Variants in GRIN2A observed in about 807,000 individuals in gnomAD.
The protein encoded by GRIN2A is glutamate receptor ionotropic, NMDA 2A.
GRIN2A carries 22 observed loss-of-function variants against 113.4 expected under a neutral mutation model. The ratio of observed to expected loss-of-function variants is 0.19; its 90% CI spans 0.14 to 0.28. The LOEUF is 0.28. Among genes scored for constraint, GRIN2A ranks in the 10% least tolerant of loss-of-function variants. The pLI, the probability that GRIN2A is intolerant of heterozygous loss-of-function variation, is 1.00. For missense variants in GRIN2A, 1,502 were observed against 1,887.0 expected, an observed-to-expected ratio of 0.80 and a Z score of 3.78; for synonymous variants, 827 against 738.4, an observed-to-expected ratio of 1.12 and a Z score of -1.94.
At chr16:9,957,851 G>T (rs1235739028) in intron 2 of GRIN2A, among the ~76,000 whole-genome samples, 1 of 152,154 alleles carries the variant, frequency 6.6e-6, no homozygotes, top group Non-Finnish European at 1.5e-5. Flanking sequence ...AACATCACCT[G>T]GGCCTCTGCC....
chr16:9,810,836 GA>G (rs2042072075), intron 10 of GRIN2A, among the ~76,000 whole-genome samples: 1 of 152,212 alleles, frequency 6.6e-6, no homozygotes, highest in African/African-American at 2.4e-5. Flanking sequence ...TGCAGTACCT[GA>G]GTTCCTATCA....
intron 2 of GRIN2A, among the ~76,000 whole-genome samples, chr16:9,940,061 A>AGTGT (rs56116543): frequency 0.011 from 1,544 of 142,984 alleles, 28 homozygotes; most frequent in African/African-American, 0.035. Context: ...AGAGAGAGAG[A>AGTGT]GTGTGTGTGT....
At position 10,026,750 on chromosome 16, in the gene GRIN2A, C is replaced by T. The variant is rs568095688; in HGVS notation, c.415-88199G>A. 1.8e-3 allele frequency among the ~76,000 whole-genome samples: 274 copies of T among 152,268 alleles called. 2 individuals carry two copies. The highest frequency in any genetic ancestry group is 6.2e-3 in the African/African-American group (258 of 41,544). On this transcript the variant is annotated intron_variant, in intron 2 of 12. Transcript: ENST00000330684. Reference sequence around the variant, plus strand: ...TAGTAGCTCCACTCAGTGAGAAACACGCCAAACAAGAACCAGGTCTGCTTT... The same window carrying T: ...TAGTAGCTCCACTCAGTGAGAAACATGCCAAACAAGAACCAGGTCTGCTTT...
At position 10,070,695 on chromosome 16, in the gene GRIN2A, C is replaced by T. The variant is rs1039590135; in HGVS notation, c.414+109303G>A. ...TAAGTTTTTAGCAGGCCCTTCTTCC[C>T]CCTCTACTCCTGTGTGGACCTCTGG... On this transcript the variant is annotated intron_variant, in intron 2 of 12. Coordinates refer to ENST00000330684, the MANE Select transcript of GRIN2A (RefSeq NM_001134407.3). Among the ~76,000 whole-genome samples, 4 of 152,258 alleles carry T rather than the reference C, an allele frequency of 2.6e-5. No individual in the cohort carries two copies. In the East Asian group the frequency reaches 7.7e-4, roughly 29 times the overall value.
chr16:9,834,627 C>T (rs916469699), intron 7 of GRIN2A, among the ~76,000 whole-genome samples: 1 of 152,162 alleles, frequency 6.6e-6, no homozygotes, highest in African/African-American at 2.4e-5. Flanking sequence ...GGTGATCTGC[C>T]CACCTCGGCC....
At chr16:10,041,261 G>T (rs1370895570) in intron 2 of GRIN2A, among the ~76,000 whole-genome samples, 1 of 152,168 alleles carries the variant, frequency 6.6e-6, no homozygotes, top group African/African-American at 2.4e-5. Flanking sequence ...ACGCAGAGTA[G>T]GAATTCCAGG....
chr16:9,985,938 G>A (rs1002970496), intron 2 of GRIN2A, among the ~76,000 whole-genome samples: 1 of 152,090 alleles, frequency 6.6e-6, no homozygotes, highest in Non-Finnish European at 1.5e-5. Context: ...TTGTATCGAA[G>A]TATCTCATGT....
At chr16:10,035,286 A>C (rs757725111) in intron 2 of GRIN2A, among the ~76,000 whole-genome samples, 3 of 152,098 alleles carry the variant, frequency 2.0e-5, no homozygotes, top group Non-Finnish European at 2.9e-5. Context: ...TTGGCCTCTC[A>C]AAATGCTGAG....
chr16:10,168,975 CAAT>C (rs59963663), intron 2 of GRIN2A, among the ~76,000 whole-genome samples: 45,077 of 141,198 alleles, frequency 0.32, 7,475 homozygotes, highest in African/African-American at 0.45. Context: ...CAAATAATAA[CAAT>C]AATAATAATA....
chr16:9,925,992 C>T (rs754010050), intron 3 of GRIN2A, among the ~76,000 whole-genome samples: 26 of 152,164 alleles, frequency 1.7e-4, no homozygotes, highest in African/African-American at 4.1e-4. Context: ...GCAAGTAATA[C>T]GGGTTCCATC....
At chr16:9,993,070 A>AC (rs397776329) in intron 2 of GRIN2A, among the ~76,000 whole-genome samples, 13 of 150,420 alleles carry the variant, frequency 8.6e-5, no homozygotes, top group East Asian at 2.0e-4. Context: ...ACAAAAAAAA[A>AC]CCCCAAAAAA....
chr16:9,873,043 T>C (rs533527244), intron 4 of GRIN2A, among the ~76,000 whole-genome samples: 22 of 152,084 alleles, frequency 1.4e-4, no homozygotes, highest in African/African-American at 5.1e-4. Flanking sequence ...AGACCCTGTG[T>C]CAGGTGTTAG....
At chr16:9,908,756 G>A (rs1374203425) in intron 3 of GRIN2A, among the ~76,000 whole-genome samples, 1 of 152,226 alleles carries the variant, frequency 6.6e-6, no homozygotes, top group East Asian at 1.9e-4. Flanking sequence ...ACGTCAGTAC[G>A]ATGAGAGCAA....
chr16:10,060,736 C>T (rs904309177), intron 2 of GRIN2A, among the ~76,000 whole-genome samples: 1 of 152,098 alleles, frequency 6.6e-6, no homozygotes, highest in Non-Finnish European at 1.5e-5. Flanking sequence ...TATCTTGCCC[C>T]AAGTCACAAA....
At chr16:9,837,513 T>C (rs1329618403) in intron 7 of GRIN2A, among the ~76,000 whole-genome samples, 1 of 152,192 alleles carries the variant, frequency 6.6e-6, no homozygotes, top group Non-Finnish European at 1.5e-5. Flanking sequence ...CTGATTGAAT[T>C]GGAAAAAGAG....
At chr16:9,948,905 G>A (rs372567383) in intron 2 of GRIN2A, among the ~76,000 whole-genome samples, 45 of 152,300 alleles carry the variant, frequency 3.0e-4, no homozygotes, top group South Asian at 1.2e-3. Flanking sequence ...ACAAATGTAC[G>A]CAAGTGGCTG....
intron 2 of GRIN2A, among the ~76,000 whole-genome samples, chr16:9,980,266 C>CA (rs560335229): frequency 0.067 from 8,747 of 131,386 alleles, 333 homozygotes; most frequent in Middle Eastern, 0.14. Context: ...GAGACTGTCT[C>CA]AAAAAAAAAA....
intron 2 of GRIN2A, among the ~76,000 whole-genome samples, chr16:10,114,918 A>G (rs1177546590): frequency 2.0e-5 from 3 of 152,256 alleles, no homozygotes; most frequent in African/African-American, 4.8e-5. Context: ...TATTTCACTT[A>G]AAATTCCAAT....
At chr16:10,114,061 G>T (rs1011488464) in intron 2 of GRIN2A, among the ~76,000 whole-genome samples, 2 of 152,068 alleles carry the variant, frequency 1.3e-5, no homozygotes, top group East Asian at 3.9e-4. Flanking sequence ...GCATGGTGGT[G>T]TGTGCCTGTA....
Sources: gnomAD v4.1 joint callset for allele counts (sites outside exome capture counted in the v4.1 genomes callset) on GRCh38, gnomAD v4.1.1 for gene constraint, MANE v1.5 for transcripts, NCBI Gene and HGNC (gene_info 2026-07-23, HGNC 2026-07-21) for gene names.